Variants in KATNAL1 observed in about 807,000 individuals in gnomAD.
KATNAL1 encodes the protein katanin p60 ATPase-containing subunit A-like 1.
Under a neutral mutation model 55.2 loss-of-function variants are expected in KATNAL1, and 32 were observed. That is an observed-to-expected ratio of 0.58 (90% CI 0.44 to 0.78). The LOEUF is 0.78. Among genes scored for constraint, KATNAL1 ranks in the 30% least tolerant of loss-of-function variants. The pLI, the probability that KATNAL1 is intolerant of heterozygous loss-of-function variation, is 0.00. For synonymous variants in KATNAL1, 193 were observed against 193.6 expected (o/e 1.00, Z 0.02); for missense variants, 466 against 600.9 (o/e 0.78, Z 2.35).
chr13:30,252,852 T>C (rs1448028702), intron 4 of KATNAL1, among the ~76,000 whole-genome samples: 1 of 152,116 alleles, frequency 6.6e-6, no homozygotes, highest in Non-Finnish European at 1.5e-5. Flanking sequence ...GTTCAAGCGA[T>C]TCTCATGCCT....
chr13:30,296,587 G>A (rs992303609), intron 1 of KATNAL1: 6 of 725,594 alleles, frequency 8.3e-6, no homozygotes, highest in African/African-American at 1.7e-5. Context: ...CCTGTGGGAC[G>A]CTCATTGGAT....
At chr13:30,278,752 T>A (rs1881051845) in intron 3 of KATNAL1, among the ~76,000 whole-genome samples, 1 of 152,160 alleles carries the variant, frequency 6.6e-6, no homozygotes, top group Admixed American at 6.5e-5. Flanking sequence ...TACAGGAAAA[T>A]TTCAAGTTAT....
chr13:30,298,173 T>A (rs1249867509), intron 1 of KATNAL1, among the ~76,000 whole-genome samples: 3 of 152,236 alleles, frequency 2.0e-5, no homozygotes, highest in African/African-American at 7.2e-5. Context: ...ATCGCAATAT[T>A]TGCTTTACCA....
chr13:30,259,343 G>GAA (rs539679658), intron 3 of KATNAL1, among the ~76,000 whole-genome samples: 13,757 of 142,658 alleles, frequency 0.096, 837 homozygotes, highest in East Asian at 0.22. Flanking sequence ...CCATCTCAAA[G>GAA]AAAAAAAAAA....
rs144753201 is a variant in KATNAL1, at chr13:30,222,563, A to G, written c.1147+4849T>C. On this transcript the variant is annotated intron_variant, in intron 9 of 10. Coordinates refer to ENST00000380615, the MANE Select transcript of KATNAL1 (RefSeq NM_032116.5). Reference sequence around the variant, plus strand: ...ACAGTCATCCAAGGGTAGCTCTCACATGGCTGGCACGATGCATACTGTAAT... The same window carrying G: ...ACAGTCATCCAAGGGTAGCTCTCACGTGGCTGGCACGATGCATACTGTAAT... Among the ~76,000 whole-genome samples the G allele has an allele frequency of 9.6e-4, 147 of 152,348 alleles. 4 individuals carry two copies. The East Asian group carries it at 0.027, about 28-fold the overall frequency.
intron 4 of KATNAL1, among the ~76,000 whole-genome samples, chr13:30,245,411 A>G (rs561894439): frequency 5.3e-5 from 8 of 152,330 alleles, no homozygotes; most frequent in South Asian, 4.1e-4. Context: ...TCTCAAAATA[A>G]TAAGAGCTAT....
intron 1 of KATNAL1, chr13:30,306,792 G>T (rs1593198462): frequency 6.6e-6 from 1 of 152,374 alleles, no homozygotes; most frequent in African/African-American, 2.4e-5. Context: ...AGCAACCTGC[G>T]AGGGTCAGAG....
intron 4 of KATNAL1, among the ~76,000 whole-genome samples, chr13:30,251,265 T>A (rs1878282793): frequency 6.6e-6 from 1 of 151,874 alleles, no homozygotes; most frequent in South Asian, 2.1e-4. Context: ...AAAAAAATCC[T>A]TTCGTTACTT....
At chr13:30,302,652 T>G (rs1233749550) in intron 1 of KATNAL1, among the ~76,000 whole-genome samples, 1 of 152,126 alleles carries the variant, frequency 6.6e-6, no homozygotes, top group Non-Finnish European at 1.5e-5. Flanking sequence ...ACGTAAAAGC[T>G]AAGAAAATAA....
At chr13:30,215,296 G>A (rs994603710) in intron 9 of KATNAL1, among the ~76,000 whole-genome samples, 6 of 152,246 alleles carry the variant, frequency 3.9e-5, no homozygotes, top group Non-Finnish European at 8.8e-5. Context: ...AGAGGATGTG[G>A]AGAAATAGGA....
Position 30,208,443 on chromosome 13 carries a change from C to G in KATNAL1, c.*97G>C. The G allele has an allele frequency of 9.9e-7, 1 of 1,010,654 alleles. No homozygotes were observed. The allele number at this position is 1,010,654 out of a possible 1,614,324, so 62.6% of individuals were successfully genotyped here. ...TTTTTTCCTTTAAGCGAAAACCACTCCACTGAAAAAAATTCCAAACTTGTT... is the reference window on the plus strand; with the variant it reads ...TTTTTTCCTTTAAGCGAAAACCACTGCACTGAAAAAAATTCCAAACTTGTT... On this transcript the variant is annotated 3_prime_UTR_variant, in exon 11 of 11. Transcript: ENST00000380615.
rs1280382973 is a variant in KATNAL1, at chr13:30,269,895, A to AG, written c.323+10167dup. ...CCGCCCGGCAGCCACCCCGTCCAGG[A>AG]GGGGGGGGTCAGCCCCCTGCCCGGC... is the stretch of plus-strand genomic sequence containing the variant. On this transcript the variant is annotated intron_variant, in intron 3 of 10. Coordinates refer to ENST00000380615, the MANE Select transcript of KATNAL1 (RefSeq NM_032116.5). Among the ~76,000 whole-genome samples the AG allele has an allele frequency of 1.8e-3, 253 of 142,972 alleles. 3 individuals carry two copies. The highest frequency in any genetic ancestry group is 4.1e-3 in the African/African-American group (152 of 37,520). 93.8% of individuals were successfully genotyped at this position (142,972 alleles called of 152,430 possible).
chr13:30,245,809 A>C lies in KATNAL1; in HGVS notation c.493-4723T>G, dbSNP rs142625719. ...ACTTCCATTCACAACTGCTACAAAGAGAATAAAATACCTAGGAATACAACT... is the reference window on the plus strand; with the variant it reads ...ACTTCCATTCACAACTGCTACAAAGCGAATAAAATACCTAGGAATACAACT... On this transcript the variant is annotated intron_variant, in intron 4 of 10. Coordinates refer to ENST00000380615, the MANE Select transcript of KATNAL1 (RefSeq NM_032116.5). 6.2e-3 allele frequency among the ~76,000 whole-genome samples: 946 copies of C among 152,344 alleles called. 6 individuals are homozygous for C. The highest frequency in any genetic ancestry group is 0.01 in the Non-Finnish European group (713 of 68,026).
chr13:30,233,703 AC>A (rs1876351211), intron 6 of KATNAL1, among the ~76,000 whole-genome samples: 1 of 152,216 alleles, frequency 6.6e-6, no homozygotes, highest in South Asian at 2.1e-4. Context: ...TAAGTGCCCA[AC>A]AATGGATGAA....
intron 3 of KATNAL1, among the ~76,000 whole-genome samples, chr13:30,274,907 G>GCGCGCGCGCGCGCGCGCGCGCGCA (rs869107567): frequency 5.7e-5 from 6 of 105,388 alleles, no homozygotes; most frequent in East Asian, 2.7e-4. Context: ...GCGCGCGCGC[G>GCGCGCGCGCGCGCGCGCGCGCGCA]CACACACACA....
At chr13:30,218,702 T>G (rs551935095) in intron 9 of KATNAL1, among the ~76,000 whole-genome samples, 2 of 152,250 alleles carry the variant, frequency 1.3e-5, no homozygotes, top group South Asian at 4.2e-4. Flanking sequence ...ACAATCACAT[T>G]TGGAGCACTA....
At chr13:30,224,806 C>T (rs566269644) in intron 9 of KATNAL1, among the ~76,000 whole-genome samples, 3 of 152,164 alleles carry the variant, frequency 2.0e-5, no homozygotes, top group South Asian at 2.1e-4. Context: ...CACTACAGAT[C>T]CTATGGCCAA....
At chr13:30,306,626 A>G (rs1883194215) in intron 1 of KATNAL1, 1 of 152,314 alleles carries the variant, frequency 6.6e-6, no homozygotes, top group Middle Eastern at 3.4e-3. Context: ...TTACCAATTG[A>G]TGGGTTTAAT....
At chr13:30,260,657 G>A in intron 3 of KATNAL1, among the ~76,000 whole-genome samples, 1 of 151,962 alleles carries the variant, frequency 6.6e-6, no homozygotes, top group Non-Finnish European at 1.5e-5. Flanking sequence ...AAGCGAGAAG[G>A]GAAATTTAGA....
Sources: gnomAD v4.1 joint callset for allele counts (sites outside exome capture counted in the v4.1 genomes callset) on GRCh38, gnomAD v4.1.1 for gene constraint, MANE v1.5 for transcripts, NCBI Gene and HGNC (gene_info 2026-07-23, HGNC 2026-07-21) for gene names.